CD38: variants seen among roughly 807,000 people sequenced by gnomAD.
CD38 encodes ADP-ribosyl cyclase/cyclic ADP-ribose hydrolase 1.
CD38 carries 31 observed loss-of-function variants against 36.3 expected under a neutral mutation model. The ratio of observed to expected loss-of-function variants is 0.85; its 90% CI spans 0.64 to 1.15. The LOEUF is 1.15. Among genes scored for constraint, CD38 ranks in the 50% most tolerant of loss-of-function variants. The pLI, the probability that CD38 is intolerant of heterozygous loss-of-function variation, is 0.00. For synonymous variants in CD38, 131 were observed against 135.2 expected, an observed-to-expected ratio of 0.97 and a Z score of 0.22; for missense variants, 380 against 371.9, an observed-to-expected ratio of 1.02 and a Z score of -0.18.
chr4:15,791,305 GGGTCAGCCCCCTGCCC>G (rs1722981642), intron 1 of CD38, among the ~76,000 whole-genome samples: 1 of 64,904 alleles, frequency 1.5e-5, no homozygotes, highest in Non-Finnish European at 2.8e-5. Flanking sequence ...GGGGGAGGGG[GGGTCAGCCCCCTGCCC>G]GGCCAGCCGC....
At chr4:15,841,728 C>T (rs1203932221) in intron 7 of CD38, among the ~76,000 whole-genome samples, 3 of 148,496 alleles carry the variant, frequency 2.0e-5, no homozygotes, top group East Asian at 4.0e-4. Flanking sequence ...CGAAGCAGGG[C>T]GAGGCATTGC....
chr4:15,814,813 T>G (rs113849690), intron 1 of CD38, among the ~76,000 whole-genome samples: 2 of 126,962 alleles, frequency 1.6e-5, no homozygotes, highest in Admixed American at 1.5e-4. Context: ...TTGTTTTTTG[T>G]TTTTTTTTTT....
At position 15,799,702 on chromosome 4, in the gene CD38, A is replaced by C. The variant is rs368779438; in HGVS notation, c.234-16809A>C. Among the ~76,000 whole-genome samples, 6 of 152,308 alleles carry C rather than the reference A, an allele frequency of 3.9e-5. No individual in the cohort carries two copies. In the East Asian group the frequency reaches 1.2e-3, roughly 29 times the overall value. ...AGAGGTTCTATGAACATTAGTGTACAAGTTATTGTATGGACATACTGACAG... is the reference window on the plus strand; with the variant it reads ...AGAGGTTCTATGAACATTAGTGTACCAGTTATTGTATGGACATACTGACAG... On this transcript the variant is annotated intron_variant, in intron 1 of 7. Transcript: ENST00000226279.
Position 15,815,960 on chromosome 4 carries a change from G to A in CD38, c.234-551G>A, listed in dbSNP as rs548149890. On this transcript the variant is annotated intron_variant, in intron 1 of 7. Transcript: ENST00000226279. ...TCCATCGATACCTAGTTTATTGAGA[G>A]TTTTTAGCATGAAGGGATGTTGAAT... 5.3e-5 allele frequency among the ~76,000 whole-genome samples: 8 copies of A among 152,230 alleles called. 1 individual carries two copies. The East Asian group carries it at 1.5e-3, about 29-fold the overall frequency.
chr4:15,826,488 C>G (rs1206687971), intron 3 of CD38, among the ~76,000 whole-genome samples: 3 of 152,008 alleles, frequency 2.0e-5, no homozygotes, highest in Non-Finnish European at 4.4e-5. Flanking sequence ...CACACACACA[C>G]ACACACACAC....
intron 1 of CD38, among the ~76,000 whole-genome samples, chr4:15,798,892 A>G (rs573889721): frequency 6.6e-6 from 1 of 152,022 alleles, no homozygotes; most frequent in Admixed American, 6.6e-5. Flanking sequence ...GCTTGTTCTT[A>G]TGTTGAATTG....
At chr4:15,820,768 T>C (rs1047604930) in intron 2 of CD38, among the ~76,000 whole-genome samples, 1 of 151,940 alleles carries the variant, frequency 6.6e-6, no homozygotes, top group South Asian at 2.1e-4. Context: ...CTGTCAATAT[T>C]AGACAGATCA....
At position 15,847,577 on chromosome 4, in the gene CD38, A is replaced by C. The variant is rs1418393716; in HGVS notation, c.840-962A>C. On this transcript the variant is annotated intron_variant, in intron 7 of 7. Transcript: ENST00000226279. ...AGTATAATAAAAAAAATAAAAAATA[A>C]AAAACAACTCTCAGAAGCAAAAAAA... Among the ~76,000 whole-genome samples the C allele has an allele frequency of 3.2e-4, 42 of 129,680 alleles. 1 individual carries two copies. The highest frequency in any genetic ancestry group is 1.3e-3 in the African/African-American group (40 of 31,662). 85.1% of individuals were successfully genotyped at this position (129,680 alleles called of 152,430 possible). A position where few individuals can be genotyped will look rare whatever the true frequency, so the allele number is the denominator to read the frequency against.
At chr4:15,841,568 G>A (rs527571226) in intron 7 of CD38, among the ~76,000 whole-genome samples, 2 of 148,196 alleles carry the variant, frequency 1.3e-5, no homozygotes, top group Non-Finnish European at 2.9e-5. Context: ...CAAGATGGCC[G>A]AATAGGAACA....
chr4:15,791,144 CCGGCCAGCCGCCCCG>C, intron 1 of CD38, among the ~76,000 whole-genome samples: 2 of 119,620 alleles, frequency 1.7e-5, no homozygotes, highest in African/African-American at 8.0e-5. Context: ...GCCCCTCTGC[CCGGCCAGCCGCCCCG>C]TCCGGGAGGG....
chr4:15,832,795 C>T (rs773206580), intron 3 of CD38, among the ~76,000 whole-genome samples: 9 of 152,148 alleles, frequency 5.9e-5, no homozygotes, highest in Non-Finnish European at 1.2e-4. Flanking sequence ...CAGCCAGACC[C>T]GTGTTCTTCT....
intron 3 of CD38, among the ~76,000 whole-genome samples, chr4:15,827,869 T>C (rs1723882784): frequency 1.3e-5 from 2 of 152,196 alleles, no homozygotes; most frequent in African/African-American, 4.8e-5. Flanking sequence ...TAGATTATCT[T>C]TCAAGTTCCT....
At chr4:15,823,057 A>G (rs1723773990) in intron 2 of CD38, among the ~76,000 whole-genome samples, 1 of 152,184 alleles carries the variant, frequency 6.6e-6, no homozygotes, top group African/African-American at 2.4e-5. Flanking sequence ...TCTTTGGCAA[A>G]CCTGACAAAA....
intron 1 of CD38, among the ~76,000 whole-genome samples, chr4:15,786,445 C>T (rs563143092): frequency 1.3e-5 from 2 of 152,278 alleles, no homozygotes; most frequent in African/African-American, 4.8e-5. Context: ...GGTGTATTTA[C>T]AATCCCTTAG....
Position 15,824,938 on chromosome 4 carries a change from G to C in CD38, c.421G>C (p.Asp141His), listed in dbSNP as rs762085468. The change falls in exon 3 of 8, where the codon GAC (aspartate) becomes CAC (histidine). Residue 141 changes from aspartate to histidine, a missense_variant. Transcript: ENST00000226279. ...LAHQFTQVQR[D>H]MFTLEDTLLG... is the part of the protein sequence containing the mutation. ...CCATCAGTTCACACAGGTCCAGCGG[G>C]ACATGTTCACCCTGGAGGACACGCT... 1 of 1,613,956 alleles carries C rather than the reference G, an allele frequency of 6.2e-7. No individual in the cohort carries two copies. The highest frequency in any genetic ancestry group is 1.7e-5 in the Admixed American group (1 of 59,980).
intron 5 of CD38, 21 bp from the exon 6 acceptor site, chr4:15,840,005 T>C (rs200400472): frequency 4.5e-6 from 7 of 1,571,550 alleles, no homozygotes; most frequent in Admixed American, 3.3e-5. Context: ...TGTTTGGGGT[T>C]CTTTGTTTCT....
intron 6 of CD38, 152 bp from the exon 7 acceptor site, chr4:15,840,300 G>T: frequency 1.4e-6 from 1 of 710,558 alleles, no homozygotes; most frequent in South Asian, 1.8e-5. Context: ...TGACACTTCA[G>T]CTCTCCTGCT....
intron 1 of CD38, among the ~76,000 whole-genome samples, chr4:15,798,783 T>C (rs750645190): frequency 6.6e-6 from 1 of 152,234 alleles, no homozygotes; most frequent in Non-Finnish European, 1.5e-5. Flanking sequence ...CTTGTTGTTT[T>C]ATTTTTTTAA....
intron 1 of CD38, among the ~76,000 whole-genome samples, chr4:15,779,008 G>A (rs1722628689): frequency 6.6e-6 from 1 of 152,218 alleles, no homozygotes; most frequent in Non-Finnish European, 1.5e-5. Context: ...CACCGCTTCA[G>A]GGACGGAATA....
Sources: allele counts gnomAD v4.1 joint callset (sites outside exome capture counted in the v4.1 genomes callset), GRCh38; gene constraint gnomAD v4.1.1; transcripts MANE v1.5; gene names NCBI Gene and HGNC (gene_info 2026-07-23, HGNC 2026-07-21).